Variants in MGST1 observed in about 807,000 individuals in gnomAD.
The protein encoded by MGST1 is glutathione S-transferase 12.
MGST1 carries 5 observed loss-of-function variants against 8.9 expected under a neutral mutation model. That is an observed-to-expected ratio of 0.56 (90% confidence interval 0.29 to 1.19). The LOEUF is 1.19. Ranked by LOEUF, MGST1 falls within the 50% of genes most tolerant of loss-of-function variation. MGST1 has a pLI of 0.08. For synonymous variants in MGST1, 54 were observed against 67.8 expected, an observed-to-expected ratio of 0.80 and a Z score of 1.00; for missense variants, 182 against 187.4, an observed-to-expected ratio of 0.97 and a Z score of 0.17.
intron 4 of MGST1, among the ~76,000 whole-genome samples, chr12:16,456,901 A>G (rs940909966): frequency 1.3e-5 from 2 of 151,856 alleles, no homozygotes; most frequent in Non-Finnish European, 2.9e-5. Context: ...CTTAATTTGA[A>G]TGTTCACCCT....
intron 4 of MGST1, among the ~76,000 whole-genome samples, chr12:16,566,020 ATATATATATATATATATAT>A (rs1942592744): frequency 2.0e-5 from 2 of 99,754 alleles, no homozygotes; most frequent in Non-Finnish European, 3.9e-5. Context: ...ATATATATAT[ATATATATATATATATATAT>A]AAAATGGAGT....
chr12:16,387,596 G>C (rs1464805917), intron 1 of MGST1, among the ~76,000 whole-genome samples: 5 of 150,548 alleles, frequency 3.3e-5, no homozygotes, highest in Non-Finnish European at 5.9e-5. Flanking sequence ...GGGCTATCTC[G>C]GCTCACTGCA....
At chr12:16,575,035 CAAAAG>C (rs1308738494) in intron 4 of MGST1, among the ~76,000 whole-genome samples, 3 of 152,178 alleles carry the variant, frequency 2.0e-5, no homozygotes, top group East Asian at 3.9e-4. Context: ...ACAAAACACA[CAAAAG>C]AAAAGGTGTT....
At chr12:16,558,465 C>A (rs1009750029) in intron 4 of MGST1, among the ~76,000 whole-genome samples, 1 of 151,988 alleles carries the variant, frequency 6.6e-6, no homozygotes, top group Non-Finnish European at 1.5e-5. Context: ...TACTAAGACA[C>A]CTTTAAAATG....
At position 16,482,515 on chromosome 12, in the gene MGST1, T is replaced by C. The variant is rs1023778193; in HGVS notation, n.482+98911T>C. On this transcript the variant is annotated intron_variant and non_coding_transcript_variant, in intron 4 of 4. Transcript: ENST00000538857. This position sits in a 1 kb window ranked among gnomAD's most constrained non-coding sequence, Gnocchi z 4.2. The stretch of plus-strand genomic sequence containing the variant: ...GCGCAGTGGCAGGCGCCTGTAATCC[T>C]AGCTACTCGGGAGGCCGAGGCAGGA... Among the ~76,000 whole-genome samples the C allele has an allele frequency of 6.6e-6, 1 of 151,630 alleles. No homozygotes were observed. Among genetic ancestry groups the C allele is most frequent in the Non-Finnish European group, 1.5e-5 (1 of 67,902 alleles).
intron 4 of MGST1, among the ~76,000 whole-genome samples, chr12:16,578,804 C>A (rs550473077): frequency 1.3e-5 from 2 of 149,406 alleles, no homozygotes; most frequent in Admixed American, 6.8e-5. Context: ...GGAGACAGAG[C>A]GAGATTCTGT....
rs182306600 is a variant in MGST1 at position 16,576,029 on chromosome 12, G to C, written n.483-13499G>C. Among the ~76,000 whole-genome samples the C allele has an allele frequency of 3.3e-3, 498 of 152,246 alleles. 2 individuals carry two copies. Among genetic ancestry groups the C allele is most frequent in the African/African-American group, 0.011 (473 of 41,538 alleles). On this transcript the variant is annotated intron_variant and non_coding_transcript_variant, in intron 4 of 4. Coordinates refer to the MGST1 transcript ENST00000538857. This position sits in a 1 kb window ranked among gnomAD's most constrained non-coding sequence, Gnocchi z 4.1. The stretch of plus-strand genomic sequence containing the variant: ...GACCCCCAAATCTAGCCCTGCCGCT[G>C]TGTTAAAAGGGGATCTGTCCTCTTT...
chr12:16,578,422 G>C (rs147028684), intron 4 of MGST1, among the ~76,000 whole-genome samples: 1 of 152,328 alleles, frequency 6.6e-6, no homozygotes, highest in East Asian at 1.9e-4. Flanking sequence ...TGGAGGAACA[G>C]GGAAGAGAAG....
intron 1 of MGST1, among the ~76,000 whole-genome samples, chr12:16,417,356 T>A (rs935325762): frequency 6.6e-6 from 1 of 152,142 alleles, no homozygotes; most frequent in Non-Finnish European, 1.5e-5. Flanking sequence ...GCCTCCATGA[T>A]CTAATCACCT....
At chr12:16,570,156 GTCTAT>G (rs1189006661) in intron 4 of MGST1, among the ~76,000 whole-genome samples, 9 of 152,244 alleles carry the variant, frequency 5.9e-5, no homozygotes, top group Middle Eastern at 3.4e-3. Context: ...TTTTGTGATA[GTCTAT>G]TCTATAATGA....
rs557443311 is a variant in MGST1 at position 16,503,900 on chromosome 12, C to T, written n.483-85628C>T. ...CAGAGCTGCCACTCTGGGCACATTGCCTATGGGGTAGCCCTGCTCTGCAAG... is the reference window on the plus strand; with the variant it reads ...CAGAGCTGCCACTCTGGGCACATTGTCTATGGGGTAGCCCTGCTCTGCAAG... On this transcript the variant is annotated intron_variant and non_coding_transcript_variant, in intron 4 of 4. Coordinates refer to the MGST1 transcript ENST00000538857. This position sits in a 1 kb window ranked among gnomAD's most constrained non-coding sequence, Gnocchi z 4.8. Among the ~76,000 whole-genome samples, 1 of 152,300 alleles carries T rather than the reference C, an allele frequency of 6.6e-6. No individual in the cohort carries two copies. Among genetic ancestry groups the T allele is most frequent in the East Asian group, 1.9e-4 (1 of 5,186 alleles).
chr12:16,579,031 C>G (rs1295193675), intron 4 of MGST1, among the ~76,000 whole-genome samples: 1 of 152,110 alleles, frequency 6.6e-6, no homozygotes, highest in Non-Finnish European at 1.5e-5. Context: ...CAGACTGTAT[C>G]ATTGCAAATA....
At chr12:16,382,542 G>A (rs56095778), upstream of MGST1, among the ~76,000 whole-genome samples, 2,045 of 152,186 alleles carry the variant, frequency 0.013, 55 homozygotes, top group African/African-American at 0.047. Context: ...GTGTCAGTCC[G>A]CCCCTACTGG....
intron 1 of MGST1, among the ~76,000 whole-genome samples, chr12:16,423,935 C>T (rs1940863632): frequency 6.6e-6 from 1 of 152,166 alleles, no homozygotes; most frequent in Admixed American, 6.5e-5. Flanking sequence ...GGTTCTCCAG[C>T]CTCCCATTAC....
At chr12:16,411,299 A>C (rs986177256) in intron 1 of MGST1, among the ~76,000 whole-genome samples, 1 of 152,142 alleles carries the variant, frequency 6.6e-6, no homozygotes, top group Admixed American at 6.6e-5. Flanking sequence ...GAAGGTAGTA[A>C]ATATAAACAT....
chr12:16,535,355 G>C (rs962814959), intron 4 of MGST1, among the ~76,000 whole-genome samples: 1 of 152,164 alleles, frequency 6.6e-6, no homozygotes, highest in Non-Finnish European at 1.5e-5. Flanking sequence ...AAAAGACAGA[G>C]CTTGCAAAAC....
chr12:16,398,349 G>A (rs1940624216), intron 1 of MGST1, among the ~76,000 whole-genome samples: 1 of 152,158 alleles, frequency 6.6e-6, no homozygotes, highest in African/African-American at 2.4e-5. Flanking sequence ...ACAGGACAAT[G>A]CAAGACAAAG....
In MGST1 at chr12:16,555,426, C is replaced by T. The variant is rs1359690853; in HGVS notation, n.483-34102C>T. On this transcript the variant is annotated intron_variant and non_coding_transcript_variant, in intron 4 of 4. Coordinates refer to the MGST1 transcript ENST00000538857. This position sits in a 1 kb window ranked among gnomAD's most constrained non-coding sequence, Gnocchi z 5.5. ...TTTGCCATTATAGTCAGCAGTTCTG[C>T]GGTAAATGACCACGAGTTATATTTC... Among the ~76,000 whole-genome samples the T allele has an allele frequency of 2.0e-5, 3 of 152,252 alleles. No individual in the cohort carries two copies. Among genetic ancestry groups the T allele is most frequent in the Middle Eastern group, 3.4e-3 (1 of 294 alleles).
chr12:16,443,935 G>T (rs571148580), intron 4 of MGST1, among the ~76,000 whole-genome samples: 100 of 152,064 alleles, frequency 6.6e-4, no homozygotes, highest in Non-Finnish European at 1.1e-3. Context: ...AAGATAGGAG[G>T]ATCCAAAAGT....
Sources: allele counts gnomAD v4.1 joint callset (sites outside exome capture counted in the v4.1 genomes callset), GRCh38; gene constraint gnomAD v4.1.1; non-coding constraint Gnocchi (gnomAD v3.1); transcripts MANE v1.5; gene names NCBI Gene and HGNC (gene_info 2026-07-23, HGNC 2026-07-21).